Variants in NELL1 observed in about 807,000 individuals in gnomAD.
NELL1 encodes neural EGFL like 1.
Under a neutral mutation model 107.4 loss-of-function variants are expected in NELL1, and 76 were observed. That is an observed-to-expected ratio of 0.71 (90% CI 0.59 to 0.86). The LOEUF is 0.86. Ranked by LOEUF, NELL1 falls within the 40% of genes least tolerant of loss-of-function variation. NELL1 has a pLI of 0.00. For missense variants in NELL1, 1,024 were observed against 1,005.5 expected, an observed-to-expected ratio of 1.02 and a Z score of -0.25; for synonymous variants, 353 against 341.2, an observed-to-expected ratio of 1.03 and a Z score of -0.38.
At chr11:21,027,700 G>A (rs959197555) in intron 12 of NELL1, among the ~76,000 whole-genome samples, 2 of 152,130 alleles carry the variant, frequency 1.3e-5, no homozygotes, top group Admixed American at 6.6e-5. Context: ...CAGTGGGGAA[G>A]GGCCGTTTTA....
Position 21,570,856 on chromosome 11 carries a change from A to T in NELL1, c.2073A>T (p.Thr691=). The T allele has an allele frequency of 1.2e-6, 2 of 1,612,072 alleles. No individual in the cohort carries two copies. The highest frequency in any genetic ancestry group is 1.7e-6 in the Non-Finnish European group (2 of 1,178,738). Residue 691 remains threonine (T), a synonymous_variant, in exon 18 of 20, where the codon ACA becomes ACT. Transcript: ENST00000357134. ...GCCCAGAATGTGACACCAGAGTCAC[A>T]AGTCAATGTTTAGACCAAAATGGTC... ...FCCPECDTRV[T]SQCLDQNGHK...
intron 12 of NELL1, among the ~76,000 whole-genome samples, chr11:21,085,950 A>T (rs1406618149): frequency 6.6e-6 from 1 of 152,256 alleles, no homozygotes; most frequent in African/African-American, 2.4e-5. Flanking sequence ...GAGTTGAAGC[A>T]GGAACACCAT....
chr11:20,749,954 G>A (rs1856095524), intron 2 of NELL1, among the ~76,000 whole-genome samples: 1 of 152,028 alleles, frequency 6.6e-6, no homozygotes, highest in Non-Finnish European at 1.5e-5. Flanking sequence ...TTTATTTTGG[G>A]TAAATATTTA....
chr11:21,483,144 T>C (rs1489664401), intron 15 of NELL1, among the ~76,000 whole-genome samples: 6 of 152,156 alleles, frequency 3.9e-5, no homozygotes, highest in African/African-American at 9.7e-5. Context: ...CAGGTACTTA[T>C]AGTATAGTAT....
intron 15 of NELL1, among the ~76,000 whole-genome samples, chr11:21,528,331 G>C (rs535629508): frequency 6.6e-6 from 1 of 152,212 alleles, no homozygotes; most frequent in Admixed American, 6.5e-5. Context: ...AGTGTTAGGA[G>C]GGGGGCCGAG....
intron 4 of NELL1, among the ~76,000 whole-genome samples, chr11:20,880,893 G>C (rs1849395319): frequency 6.6e-6 from 1 of 152,210 alleles, no homozygotes; most frequent in African/African-American, 2.4e-5. Flanking sequence ...TAAAGGGAAA[G>C]AGACAGCATG....
chr11:21,440,304 GTT>G (rs202069598), intron 15 of NELL1, among the ~76,000 whole-genome samples: 6 of 115,932 alleles, frequency 5.2e-5, no homozygotes, highest in East Asian at 5.4e-4. Context: ...ACAAAAGTAA[GTT>G]TTTTTTTTTT....
At chr11:21,273,816 A>T (rs1349713200) in intron 14 of NELL1, among the ~76,000 whole-genome samples, 1 of 152,176 alleles carries the variant, frequency 6.6e-6, no homozygotes, top group Non-Finnish European at 1.5e-5. Context: ...TTCATAAGTG[A>T]AGGAGAAATA....
Position 21,570,744 on chromosome 11 carries a change from T to C in NELL1, c.1981-20T>C, listed in dbSNP as rs2134013336. The C allele has an allele frequency of 1.2e-6, 2 of 1,607,808 alleles. No homozygotes were observed. Among genetic ancestry groups the C allele is most frequent in the Non-Finnish European group, 1.7e-6 (2 of 1,176,324 alleles). ...TCATGTCCTAAATGATGAAACCTCC[T>C]TAACTTCATTTCTAAACAGGATGGC... is the stretch of plus-strand genomic sequence containing the variant. On this transcript the variant is annotated intron_variant, in intron 17 of 19. Coordinates refer to ENST00000357134, the MANE Select transcript of NELL1 (RefSeq NM_006157.5).
intron 15 of NELL1, among the ~76,000 whole-genome samples, chr11:21,374,925 GTGTA>G (rs1329552925): frequency 2.7e-4 from 36 of 134,610 alleles, no homozygotes; most frequent in African/African-American, 7.1e-4. Flanking sequence ...GTGTGTGTGT[GTGTA>G]TGGTCTTCTG....
intron 15 of NELL1, among the ~76,000 whole-genome samples, chr11:21,411,455 G>A (rs937807194): frequency 2.6e-5 from 4 of 151,974 alleles, no homozygotes; most frequent in Non-Finnish European, 4.4e-5. Flanking sequence ...AACAATAATG[G>A]CAATAATAAT....
chr11:20,703,701 G>A (rs879915455), intron 2 of NELL1, among the ~76,000 whole-genome samples: 2 of 152,124 alleles, frequency 1.3e-5, no homozygotes, highest in Non-Finnish European at 2.9e-5. Context: ...CTGGTATGTT[G>A]TGTCTTTGTT....
At chr11:21,524,407 T>A (rs1173753007) in intron 15 of NELL1, among the ~76,000 whole-genome samples, 1 of 152,152 alleles carries the variant, frequency 6.6e-6, no homozygotes, top group Non-Finnish European at 1.5e-5. Context: ...TCGTAGAATA[T>A]TCTAAAATAG....
chr11:21,535,628 C>G (rs751669746), intron 16 of NELL1, among the ~76,000 whole-genome samples: 1 of 152,164 alleles, frequency 6.6e-6, no homozygotes, highest in Non-Finnish European at 1.5e-5. Context: ...TGTTGGCAGT[C>G]AAATTCTAGC....
At chr11:20,975,927 A>C (rs889312624) in intron 12 of NELL1, among the ~76,000 whole-genome samples, 1 of 134,808 alleles carries the variant, frequency 7.4e-6, no homozygotes, top group African/African-American at 2.9e-5. Context: ...ACACACATAT[A>C]TGTACATATA....
At chr11:21,240,777 AG>A (rs1209355258) in intron 14 of NELL1, among the ~76,000 whole-genome samples, 11 of 73,866 alleles carry the variant, frequency 1.5e-4, no homozygotes, top group Non-Finnish European at 3.1e-4. Context: ...GGGGGGGGGG[AG>A]GGGGGAGTCT....
chr11:21,561,854 C>T (rs1380524334), intron 17 of NELL1, among the ~76,000 whole-genome samples: 1 of 151,974 alleles, frequency 6.6e-6, no homozygotes, highest in Non-Finnish European at 1.5e-5. Flanking sequence ...ATGGTGCTGA[C>T]TCAAAGGGCA....
intron 13 of NELL1, among the ~76,000 whole-genome samples, chr11:21,168,822 T>C (rs1354896823): frequency 2.0e-5 from 3 of 151,910 alleles, no homozygotes; most frequent in African/African-American, 2.4e-5. Flanking sequence ...TCTTTCTCTG[T>C]TGTAACAGGC....
At chr11:21,454,375 G>A (rs1853668233) in intron 15 of NELL1, among the ~76,000 whole-genome samples, 1 of 151,746 alleles carries the variant, frequency 6.6e-6, no homozygotes, top group Non-Finnish European at 1.5e-5. Flanking sequence ...TGTGAATAAT[G>A]CCGCAATAAA....
Sources: allele counts gnomAD v4.1 joint callset (sites outside exome capture counted in the v4.1 genomes callset), GRCh38; gene constraint gnomAD v4.1.1; transcripts MANE v1.5; gene names NCBI Gene and HGNC (gene_info 2026-07-23, HGNC 2026-07-21).